INPP4A: variants seen among roughly 807,000 people sequenced by gnomAD.
INPP4A encodes inositol polyphosphate-4-phosphatase type I A, also known as inositol polyphosphate-4-phosphatase, type I, 107kD.
INPP4A carries 33 observed loss-of-function variants against 119.8 expected under a neutral mutation model. That is an observed-to-expected ratio of 0.28 (90% confidence interval 0.21 to 0.37). The LOEUF (loss-of-function observed/expected upper bound fraction) is 0.37. Ranked by LOEUF, INPP4A falls within the 10% of genes least tolerant of loss-of-function variation. The probability of loss-of-function intolerance (pLI) is 1.00; values close to 1 mark genes in which losing one functional copy is unlikely to be tolerated. For synonymous variants in INPP4A, 496 were observed against 500.7 expected, an observed-to-expected ratio of 0.99 and a Z score of 0.12; for missense variants, 956 against 1,289.9, an observed-to-expected ratio of 0.74 and a Z score of 3.97.
intron 24 of INPP4A, among the ~76,000 whole-genome samples, chr2:98,580,173 G>A (rs1272452184): frequency 5.9e-5 from 9 of 152,122 alleles, no homozygotes; most frequent in Non-Finnish European, 7.3e-5. Context: ...CACCCTGCCC[G>A]TGGGTGCAGG....
chr2:98,505,312 G>A (rs140369713), intron 1 of INPP4A, among the ~76,000 whole-genome samples: 2 of 152,320 alleles, frequency 1.3e-5, no homozygotes, highest in Non-Finnish European at 2.9e-5. Flanking sequence ...AGTACTGGGC[G>A]AGCCTTTGGG....
chr2:98,585,063 A>G (rs1480969896), intron 24 of INPP4A, among the ~76,000 whole-genome samples: 1 of 152,216 alleles, frequency 6.6e-6, no homozygotes, highest in Non-Finnish European at 1.5e-5. Context: ...TAGGGAAACC[A>G]CAATCAGGAG....
At chr2:98,573,970 C>T (rs988515971) in intron 23 of INPP4A, among the ~76,000 whole-genome samples, 4 of 152,280 alleles carry the variant, frequency 2.6e-5, no homozygotes, top group East Asian at 3.9e-4. Context: ...TTGTGGGAAG[C>T]GTGGGGTGGA....
At chr2:98,557,312 C>G (rs944678462) in intron 16 of INPP4A, among the ~76,000 whole-genome samples, 1 of 152,216 alleles carries the variant, frequency 6.6e-6, no homozygotes, top group Non-Finnish European at 1.5e-5. Context: ...TCTAACTCTG[C>G]TGATCAGTAC....
chr2:98,593,109 C>T lies in INPP4A; in HGVS notation c.*5501C>T, dbSNP rs1361567346. 6.6e-6 allele frequency: 1 copy of T among 152,320 alleles called. No homozygotes were observed. Among genetic ancestry groups the T allele is most frequent in the Non-Finnish European group, 1.5e-5 (1 of 68,090 alleles). The allele number at this position is 152,320 out of a possible 1,614,324, so 9.4% of individuals were successfully genotyped here. ...AGGGTGTAGCCTGAAAACACCCATACTCTAGATTCCCTCCACTGGAACCCT... is the reference window on the plus strand; with the variant it reads ...AGGGTGTAGCCTGAAAACACCCATATTCTAGATTCCCTCCACTGGAACCCT... On this transcript the variant is annotated 3_prime_UTR_variant, in exon 25 of 25. Transcript: ENST00000409851.
intron 10 of INPP4A, 96 bp downstream of exon 10, chr2:98,539,771 A>G: frequency 7.9e-7 from 1 of 1,258,700 alleles, no homozygotes. Context: ...CATCAGATAG[A>G]CTGGACTGCA....
In INPP4A at chr2:98,536,180, A is replaced by G; in HGVS notation, c.439A>G (p.Arg147Gly). The G allele has an allele frequency of 6.2e-7, 1 of 1,610,548 alleles. No homozygotes were observed. The highest frequency in any genetic ancestry group is 1.1e-5 in the South Asian group (1 of 90,928). ...TFIVKDLLQDRHHRLHLTLRS... is the reference protein window; with the variant it reads ...TFIVKDLLQDGHHRLHLTLRS... ...CATTGTCAAAGATCTGCTCCAGGACAGGCATCATAGGTTGCATTTAACACT... is the reference window on the plus strand; with the variant it reads ...CATTGTCAAAGATCTGCTCCAGGACGGGCATCATAGGTTGCATTTAACACT... Residue 147 changes from arginine to glycine, a missense_variant, in exon 7 of 25, where the codon AGG becomes GGG. Coordinates refer to ENST00000409851, the MANE Select transcript of INPP4A (RefSeq NM_001134225.2).
At chr2:98,484,834 A>G (rs1331412912) in intron 1 of INPP4A, among the ~76,000 whole-genome samples, 2 of 152,206 alleles carry the variant, frequency 1.3e-5, no homozygotes, top group African/African-American at 2.4e-5. Context: ...TCAAATGTCT[A>G]TATGGTATTC....
intron 24 of INPP4A, among the ~76,000 whole-genome samples, chr2:98,582,652 A>T (rs1439247355): frequency 1.3e-5 from 2 of 151,924 alleles, no homozygotes; most frequent in African/African-American, 2.4e-5. Context: ...CACCTGCTGC[A>T]TACGCCAGAC....
chr2:98,557,036 A>G (rs1312891289), intron 16 of INPP4A, among the ~76,000 whole-genome samples: 3 of 152,042 alleles, frequency 2.0e-5, no homozygotes, highest in Non-Finnish European at 2.9e-5. Flanking sequence ...GTGATTTTAA[A>G]TTTTTCTACA....
chr2:98,533,562 G>A (rs2105920049), intron 5 of INPP4A, 67 bp downstream of exon 5: 1 of 944,462 alleles, frequency 1.1e-6, no homozygotes, highest in Middle Eastern at 2.6e-4. Flanking sequence ...TTGTCCTGAT[G>A]TTCAGTTACT....
rs759626940 is a variant in INPP4A at position 98,572,859 on chromosome 2, C to T, written c.2563C>T (p.Arg855Trp). Residue 855 changes from arginine (R) to tryptophan (W), a missense_variant, in exon 23 of 25, where the codon CGG becomes TGG. Physicochemically the swap from Arg to Trp is moderately radical, Grantham distance 101. Transcript: ENST00000409851. ...RSQTCLPELL[R>W]FLGQNVHARK... Reference sequence around the variant, plus strand: ...TCAGACGTGCCTGCCAGAGCTGCTGCGGTTTCTGGGTCAGAACGTGCATGC... The same window carrying T: ...TCAGACGTGCCTGCCAGAGCTGCTGTGGTTTCTGGGTCAGAACGTGCATGC... The T allele has an allele frequency of 3.8e-6, 6 of 1,576,568 alleles. No homozygotes were observed. The highest frequency in any genetic ancestry group is 1.2e-5 in the South Asian group (1 of 85,320).
intron 1 of INPP4A, among the ~76,000 whole-genome samples, chr2:98,503,036 C>T (rs758444174): frequency 1.3e-5 from 2 of 152,126 alleles, no homozygotes; most frequent in African/African-American, 2.4e-5. Context: ...CTGGGACAAA[C>T]GAGTTGCCCT....
chr2:98,451,674 A>G (rs959904258), intron 1 of INPP4A, among the ~76,000 whole-genome samples: 6 of 152,068 alleles, frequency 3.9e-5, no homozygotes, highest in African/African-American at 1.2e-4. Context: ...GAAGCTGTCT[A>G]TTATTAATTC....
At chr2:98,491,866 T>C (rs1209935828) in intron 1 of INPP4A, among the ~76,000 whole-genome samples, 2 of 151,814 alleles carry the variant, frequency 1.3e-5, no homozygotes, top group African/African-American at 2.4e-5. Flanking sequence ...CACAAACTCA[T>C]AAGTTCAAAA....
At chr2:98,451,896 G>GA (rs1695291920) in intron 1 of INPP4A, among the ~76,000 whole-genome samples, 1 of 152,138 alleles carries the variant, frequency 6.6e-6, no homozygotes, top group African/African-American at 2.4e-5. Flanking sequence ...CTTCTCCCTG[G>GA]ATTATGGGGT....
intron 1 of INPP4A, among the ~76,000 whole-genome samples, chr2:98,501,807 C>A (rs1683171386): frequency 6.6e-6 from 1 of 152,190 alleles, no homozygotes; most frequent in South Asian, 2.1e-4. Flanking sequence ...GTCAAGAGCC[C>A]AGGGGCTCCA....
At chr2:98,505,595 T>A (rs1189113260) in intron 1 of INPP4A, among the ~76,000 whole-genome samples, 1 of 152,138 alleles carries the variant, frequency 6.6e-6, no homozygotes, top group African/African-American at 2.4e-5. Context: ...CTTACCAAAT[T>A]AGGATTGAGT....
chr2:98,503,345 A>T (rs1683476025), intron 1 of INPP4A, among the ~76,000 whole-genome samples: 1 of 152,140 alleles, frequency 6.6e-6, no homozygotes, highest in Non-Finnish European at 1.5e-5. Flanking sequence ...GTGTTAAAGG[A>T]TCTCCAGAAT....
Sources: allele counts gnomAD v4.1 joint callset (sites outside exome capture counted in the v4.1 genomes callset), GRCh38; gene constraint gnomAD v4.1.1; transcripts MANE v1.5; gene names NCBI Gene and HGNC (gene_info 2026-07-23, HGNC 2026-07-21).